Variants in ADAMTS20 observed in about 807,000 individuals in gnomAD.
ADAMTS20 encodes A disintegrin and metalloproteinase with thrombospondin motifs 20.
A neutral mutation model predicts 260.1 loss-of-function variants in ADAMTS20; 225 were observed. The ratio of observed to expected loss-of-function variants is 0.87; its 90% confidence interval spans 0.78 to 0.97. The LOEUF is 0.97. Ranked by LOEUF, ADAMTS20 falls within the 50% of genes least tolerant of loss-of-function variation. The pLI is 0.00. For missense variants in ADAMTS20, 2,400 were observed against 2,337.7 expected (o/e 1.03, Z -0.55); for synonymous variants, 802 against 769.5 (o/e 1.04, Z -0.70).
At chr12:43,489,100 C>T (rs1942564630) in intron 7 of ADAMTS20, among the ~76,000 whole-genome samples, 1 of 151,320 alleles carries the variant, frequency 6.6e-6, no homozygotes, top group Non-Finnish European at 1.5e-5. Context: ...TAAATGTCTA[C>T]CTAATATGAT....
At chr12:43,393,488 C>A (rs1806294313) in intron 29 of ADAMTS20, among the ~76,000 whole-genome samples, 1 of 151,888 alleles carries the variant, frequency 6.6e-6, no homozygotes, top group African/African-American at 2.4e-5. Flanking sequence ...TTTAGCGAAT[C>A]CACAGGTACT....
chr12:43,425,785 ATTCTAGT>A, intron 27 of ADAMTS20, 95 bp from the exon 28 acceptor site: 3 of 841,020 alleles, frequency 3.6e-6, no homozygotes, highest in Non-Finnish European at 5.0e-6. Context: ...AATTATGTTT[ATTCTAGT>A]AATTTTAACA....
chr12:43,462,647 T>C (rs926917047), intron 11 of ADAMTS20, among the ~76,000 whole-genome samples: 1 of 152,244 alleles, frequency 6.6e-6, no homozygotes, highest in South Asian at 2.1e-4. Flanking sequence ...GATAACTATA[T>C]ATCCATGTAA....
rs1238351710 is a variant in ADAMTS20 at position 43,532,710 on chromosome 12, C to T, written c.454-515G>A. Among the ~76,000 whole-genome samples, 5 of 86,346 alleles carry T rather than the reference C, an allele frequency of 5.8e-5. No individual in the cohort carries two copies. In the South Asian group the frequency reaches 2.2e-3, roughly 38 times the overall value. 56.6% of individuals were successfully genotyped at this position (86,346 alleles called of 152,430 possible). ...CCAATGCTATCCCTCCCCCCTCCCCCGACCCCACCACAGTCCCCAGAGTGT... is the reference window on the plus strand; with the variant it reads ...CCAATGCTATCCCTCCCCCCTCCCCTGACCCCACCACAGTCCCCAGAGTGT... On this transcript the variant is annotated intron_variant, in intron 2 of 38. Coordinates refer to ENST00000389420, the MANE Select transcript of ADAMTS20 (RefSeq NM_025003.5).
chr12:43,518,162 A>C (rs1209730205), intron 3 of ADAMTS20, among the ~76,000 whole-genome samples: 1 of 152,090 alleles, frequency 6.6e-6, no homozygotes, highest in Non-Finnish European at 1.5e-5. Context: ...GTCTCCAACA[A>C]GGAAGAACTA....
At chr12:43,421,282 C>CACACAAAA (rs368419833) in intron 28 of ADAMTS20, among the ~76,000 whole-genome samples, 1 of 118,890 alleles carries the variant, frequency 8.4e-6, no homozygotes, top group Non-Finnish European at 1.8e-5. Flanking sequence ...CTTTCATTTA[C>CACACAAAA]AAAAAAAAAA....
At chr12:43,508,385 G>C (rs1942874956) in intron 3 of ADAMTS20, among the ~76,000 whole-genome samples, 1 of 152,090 alleles carries the variant, frequency 6.6e-6, no homozygotes, top group Non-Finnish European at 1.5e-5. Context: ...TCACACAGTT[G>C]CTAAGTAATG....
At chr12:43,471,122 G>A (rs1286072469) in intron 7 of ADAMTS20, among the ~76,000 whole-genome samples, 2 of 152,060 alleles carry the variant, frequency 1.3e-5, no homozygotes, top group South Asian at 4.1e-4. Flanking sequence ...CAGGCCAGTG[G>A]GTGCACGCAC....
intron 32 of ADAMTS20, 121 bp from the exon 33 acceptor site, chr12:43,376,774 T>A (rs533602060): frequency 4.7e-5 from 54 of 1,157,306 alleles, no homozygotes; most frequent in Admixed American, 5.8e-5. Context: ...AGTGGCTAGA[T>A]ACACAGAAGA....
chr12:43,460,336 A>G (rs1047279371), intron 11 of ADAMTS20, among the ~76,000 whole-genome samples: 3 of 152,228 alleles, frequency 2.0e-5, no homozygotes, highest in Non-Finnish European at 4.4e-5. Context: ...ATATGAAAAA[A>G]TGCATAAGAT....
intron 10 of ADAMTS20, 79 bp downstream of exon 10, chr12:43,464,512 A>C: frequency 1.3e-6 from 2 of 1,509,362 alleles, no homozygotes; most frequent in Non-Finnish European, 1.8e-6. Context: ...AGTTCAAGAG[A>C]ATAAACACAT....
At chr12:43,516,298 C>G (rs758353230) in intron 3 of ADAMTS20, among the ~76,000 whole-genome samples, 3 of 152,178 alleles carry the variant, frequency 2.0e-5, no homozygotes, top group Non-Finnish European at 4.4e-5. Context: ...TCAGACGTGT[C>G]AATGTCTTTA....
chr12:43,467,573 T>C (rs1352959790), intron 8 of ADAMTS20, among the ~76,000 whole-genome samples: 1 of 152,046 alleles, frequency 6.6e-6, no homozygotes, highest in Non-Finnish European at 1.5e-5. Context: ...TCTAAGATAG[T>C]ACTCTCTGCA....
rs1348640914 is a variant in ADAMTS20 at position 43,428,313 on chromosome 12, A to C, written c.3873T>G (p.Leu1291=). 6.2e-7 allele frequency: 1 copy of C among 1,613,908 alleles called. No individual in the cohort carries two copies. Among genetic ancestry groups the C allele is most frequent in the African/African-American group, 1.3e-5 (1 of 75,002 alleles). Residue 1291 remains leucine (L), a synonymous_variant, in exon 26 of 39, where the codon CTT becomes CTG. Coordinates refer to ENST00000389420, the MANE Select transcript of ADAMTS20 (RefSeq NM_025003.5). ...GGACCACCTGATTTTCATTATCTTC[A>C]AGTTTTTGAGTTAATGGCAAATTCG... ...LSTNLPLTQK[L]EDNENQVVHP...
intron 14 of ADAMTS20, among the ~76,000 whole-genome samples, chr12:43,447,337 CATA>C (rs1941781568): frequency 6.6e-6 from 1 of 152,142 alleles, no homozygotes; most frequent in Non-Finnish European, 1.5e-5. Flanking sequence ...TTTGGTTCAA[CATA>C]TGCAAATCAA....
chr12:43,459,594 T>C (rs1007644290), intron 11 of ADAMTS20, among the ~76,000 whole-genome samples: 1 of 152,244 alleles, frequency 6.6e-6, no homozygotes, highest in Non-Finnish European at 1.5e-5. Flanking sequence ...TGTTAACTCA[T>C]GTATCCTACA....
At position 43,428,677 on chromosome 12, in the gene ADAMTS20, A is replaced by G; in HGVS notation, c.3612T>C (p.Cys1204=). 6.2e-7 allele frequency: 1 copy of G among 1,610,724 alleles called. No homozygotes were observed. Among genetic ancestry groups the G allele is most frequent in the Non-Finnish European group, 8.5e-7 (1 of 1,177,852 alleles). Residue 1204 remains cysteine, a synonymous_variant, in exon 25 of 39, where the codon TGT becomes TGC. Coordinates refer to ENST00000389420, the MANE Select transcript of ADAMTS20 (RefSeq NM_025003.5). ...HLPRPAEIWD[C]FTPCGEWQAG... ...CTTGCCACTCTCCACAAGGGGTAAA[A>G]CAGTCCCATATTTCAGCAGGTCGGG...
At chr12:43,514,684 A>G (rs1304520394) in intron 3 of ADAMTS20, among the ~76,000 whole-genome samples, 1 of 150,000 alleles carries the variant, frequency 6.7e-6, no homozygotes, top group Non-Finnish European at 1.5e-5. Flanking sequence ...CTAATGTCAG[A>G]TTTAGATGGA....
At chr12:43,440,255 TCTC>T (rs1051710506) in intron 16 of ADAMTS20, among the ~76,000 whole-genome samples, 186 bp from the exon 17 acceptor site, 1 of 151,332 alleles carries the variant, frequency 6.6e-6, no homozygotes, top group African/African-American at 2.4e-5. Context: ...TTCAAACAAT[TCTC>T]CTGCCTCAGC....
Sources: gnomAD v4.1 joint callset for allele counts (sites outside exome capture counted in the v4.1 genomes callset) on GRCh38, gnomAD v4.1.1 for gene constraint, MANE v1.5 for transcripts, NCBI Gene and HGNC (gene_info 2026-07-23, HGNC 2026-07-21) for gene names.